The following PDXDC1 variants were observed in gnomAD, a reference collection of about 807,000 sequenced individuals.
PDXDC1 encodes pyridoxal dependent decarboxylase domain containing 1, also known as pyridoxal-dependent decarboxylase domain-containing protein 1.
A neutral mutation model predicts 100.1 loss-of-function variants in PDXDC1; 42 were observed. That is an observed-to-expected ratio of 0.42 (90% CI 0.33 to 0.54). PDXDC1 has a LOEUF of 0.54. PDXDC1 is among the 20% of genes least tolerant of loss of function. The probability of loss-of-function intolerance (pLI) is 0.10; values close to 1 mark genes in which losing one functional copy is unlikely to be tolerated. For synonymous variants in PDXDC1, 260 were observed against 371.7 expected, an observed-to-expected ratio of 0.70 and a Z score of 3.46; for missense variants, 636 against 979.2, an observed-to-expected ratio of 0.65 and a Z score of 4.68.
Position 15,090,682 on chromosome 16 carries a change from A to T in PDXDC1, c.1400-48197A>T, listed in dbSNP as rs527966331. On this transcript the variant is annotated intron_variant, in intron 16 of 16. Transcript: ENST00000535621. ...AAAATAGAGGCAGAGAGGTTAAAACAATTTGCTCAAGATCACACACTGGAT... is the reference window on the plus strand; with the variant it reads ...AAAATAGAGGCAGAGAGGTTAAAACTATTTGCTCAAGATCACACACTGGAT... Among the ~76,000 whole-genome samples, 207 of 152,330 alleles carry T rather than the reference A, an allele frequency of 1.4e-3. 1 individual carries two copies. The highest frequency in any genetic ancestry group is 4.6e-3 in the African/African-American group (190 of 41,578).
intron 16 of PDXDC1, chr16:15,068,094 C>T: frequency 1.3e-6 from 2 of 1,498,806 alleles, no homozygotes; most frequent in South Asian, 1.2e-5. Flanking sequence ...AGAAATTTAA[C>T]ACTCTTACAA....
chr16:15,135,804 C>G, intron 16 of PDXDC1: 3 of 1,524,998 alleles, frequency 2.0e-6, no homozygotes, highest in Non-Finnish European at 1.8e-6. Context: ...ACCAGGCGCT[C>G]AGGGGCCACC....
intron 16 of PDXDC1, among the ~76,000 whole-genome samples, chr16:15,122,967 A>G (rs879266996): frequency 0.01 from 1,580 of 150,784 alleles, 14 homozygotes; most frequent in Non-Finnish European, 0.017. Flanking sequence ...GTTCAAATTA[A>G]GTTCTCAAGC....
downstream of PDXDC1, among the ~76,000 whole-genome samples, chr16:15,143,730 C>T (rs1328213740): frequency 1.3e-5 from 2 of 152,230 alleles, no homozygotes; most frequent in Non-Finnish European, 2.9e-5. Flanking sequence ...GGGGCAGCTC[C>T]CGGGGCCCTC....
At chr16:15,143,946 G>A (rs963637685), downstream of PDXDC1, among the ~76,000 whole-genome samples, 3 of 152,174 alleles carry the variant, frequency 2.0e-5, no homozygotes, top group African/African-American at 7.2e-5. Flanking sequence ...ACCCCTGCCC[G>A]CGCTGGCCGC....
At chr16:15,108,303 A>G (rs2046887711) in intron 16 of PDXDC1, 1 of 936,936 alleles carries the variant, frequency 1.1e-6, no homozygotes, top group African/African-American at 1.8e-5. Context: ...AGGATGTATA[A>G]AATTCCCAGA....
At chr16:15,083,302 G>A (rs928674463) in intron 16 of PDXDC1, among the ~76,000 whole-genome samples, 11 of 152,118 alleles carry the variant, frequency 7.2e-5, no homozygotes, top group Admixed American at 4.6e-4. Flanking sequence ...GGGAGGCTGA[G>A]GCAGGAGAAT....
chr16:15,036,380 T>G lies in PDXDC1; in HGVS notation c.*105T>G, dbSNP rs374219313. On this transcript the variant is annotated 3_prime_UTR_variant, in exon 23 of 23. Transcript: ENST00000396410. ...CATACTAATATAAATTACTGTTGTT[T>G]GTGCTTCACTGGGATTTTGGCACAA... The G allele has an allele frequency of 8.7e-6, 10 of 1,155,760 alleles. No homozygotes were observed. The highest frequency in any genetic ancestry group is 6.1e-5 in the South Asian group (4 of 65,638). The allele number at this position is 1,155,760 out of a possible 1,614,324, so 71.6% of individuals were successfully genotyped here.
chr16:15,140,490 G>A (rs377357546), downstream of PDXDC1, among the ~76,000 whole-genome samples: 3 of 151,410 alleles, frequency 2.0e-5, no homozygotes, highest in Non-Finnish European at 4.4e-5. Flanking sequence ...AGGGCGAGAG[G>A]GAGGGAGGAA....
intron 16 of PDXDC1, chr16:15,044,288 C>A (rs757361107): frequency 2.3e-6 from 3 of 1,310,932 alleles, no homozygotes; most frequent in East Asian, 2.3e-5. Flanking sequence ...AATATGGGTA[C>A]ATATTTATGT....
chr16:15,110,086 A>G (rs896614937), intron 16 of PDXDC1, among the ~76,000 whole-genome samples: 4 of 149,372 alleles, frequency 2.7e-5, no homozygotes, highest in Non-Finnish European at 6.0e-5. Flanking sequence ...CCCAAAAGAC[A>G]GTGAGCTGAG....
At chr16:15,021,827 C>G (rs923504035) in intron 12 of PDXDC1, among the ~76,000 whole-genome samples, 2 of 152,298 alleles carry the variant, frequency 1.3e-5, no homozygotes, top group African/African-American at 4.8e-5. Flanking sequence ...CCTCATCCTC[C>G]TCTTCCTTCT....
intron 16 of PDXDC1, among the ~76,000 whole-genome samples, chr16:15,095,479 G>C (rs2046321280): frequency 6.6e-6 from 1 of 152,168 alleles, no homozygotes; most frequent in Non-Finnish European, 1.5e-5. Context: ...GCTTGAGCCT[G>C]GGAGATAGCA....
chr16:15,039,847 G>A (rs1382977507), downstream of PDXDC1: 2 of 670,304 alleles, frequency 3.0e-6, no homozygotes, highest in African/African-American at 1.8e-5. Context: ...GCTGGTCCCT[G>A]ATAATGTACG....
Position 15,085,726 on chromosome 16 carries a change from T to C in PDXDC1, c.1400-53153T>C, listed in dbSNP as rs745972060. The C allele has an allele frequency of 2.5e-6, 4 of 1,612,238 alleles. No homozygotes were observed. In the South Asian group the frequency reaches 4.4e-5, roughly 18 times the overall value. On this transcript the variant is annotated intron_variant, in intron 16 of 16. Coordinates refer to the PDXDC1 transcript ENST00000535621. Reference sequence around the variant, plus strand: ...TTTGAGGGAAAAAGAAAATATGTTATTCTGTCATTGATCTAGACAATGAAT... The same window carrying C: ...TTTGAGGGAAAAAGAAAATATGTTACTCTGTCATTGATCTAGACAATGAAT...
At chr16:15,094,488 G>A in intron 16 of PDXDC1, 1 of 547,502 alleles carries the variant, frequency 1.8e-6, no homozygotes, top group Non-Finnish European at 3.2e-6. Context: ...ATCCAGCCCT[G>A]AGGATCCCGA....
At chr16:14,995,209 T>C (rs1971698109) in intron 1 of PDXDC1, among the ~76,000 whole-genome samples, 1 of 152,290 alleles carries the variant, frequency 6.6e-6, no homozygotes, top group Admixed American at 6.5e-5. Context: ...AGGGCATCCC[T>C]GTCTTGTGCC....
chr16:14,995,589 G>A (rs1455202432), intron 1 of PDXDC1, among the ~76,000 whole-genome samples: 1 of 152,270 alleles, frequency 6.6e-6, no homozygotes, highest in African/African-American at 2.4e-5. Context: ...CAGGGATATT[G>A]GTCTAAAATT....
At chr16:15,056,933 C>A (rs1486218640) in intron 16 of PDXDC1, among the ~76,000 whole-genome samples, 1 of 152,070 alleles carries the variant, frequency 6.6e-6, no homozygotes, top group African/African-American at 2.4e-5. Context: ...GAAGGATTTG[C>A]GGATACTGAC....
Sources: allele counts gnomAD v4.1 joint callset (sites outside exome capture counted in the v4.1 genomes callset), GRCh38; gene constraint gnomAD v4.1.1; transcripts MANE v1.5; gene names NCBI Gene and HGNC (gene_info 2026-07-23, HGNC 2026-07-21).